The following NRBP1 variants were observed in gnomAD, a reference collection of about 807,000 sequenced individuals.
NRBP1 encodes the protein nuclear receptor binding protein 1, also known as nuclear receptor-binding protein.
Under a neutral mutation model 76.0 loss-of-function variants are expected in NRBP1, and 10 were observed. The observed-to-expected ratio is 0.13, with a 90% confidence interval of 0.08 to 0.22. The LOEUF (loss-of-function observed/expected upper bound fraction) is 0.22. Among genes scored for constraint, NRBP1 ranks in the 10% least tolerant of loss-of-function variants. NRBP1 has a pLI of 1.00. For synonymous variants in NRBP1, 235 were observed against 240.2 expected (o/e 0.98, Z 0.20); for missense variants, 344 against 646.0 (o/e 0.53, Z 5.07).
In NRBP1 at chr2:27,433,791, A is replaced by G; in HGVS notation, c.329A>G (p.Gln110Arg). Residue 110 changes from glutamine (Q) to arginine (R), a missense_variant, in exon 3 of 18, where the codon CAG becomes CGG. By Grantham distance (43) the Gln-to-Arg change is conservative. Transcript: ENST00000379852. Reference sequence around the variant, plus strand: ...TCTGAACGCAAGAACTACAAGCTGCAGGAGGTAGGTGATGCTGAAAAGGTG... The same window carrying G: ...TCTGAACGCAAGAACTACAAGCTGCGGGAGGTAGGTGATGCTGAAAAGGTG... ...QFSERKNYKL[Q>R]EEKVRAVFDN... 6.2e-7 allele frequency: 1 copy of G among 1,614,220 alleles called. No individual in the cohort carries two copies. The highest frequency in any genetic ancestry group is 8.5e-7 in the Non-Finnish European group (1 of 1,180,036).
In NRBP1 at chr2:27,428,677, G is replaced by T; in HGVS notation, c.-75G>T. ...TGTGAGGGAGTCGCTGTGATCCGGG[G>T]CCCCGGAACCCGAGCTGGAGCTGAA... On this transcript the variant is annotated 5_prime_UTR_variant, in exon 1 of 18. Transcript: ENST00000379852. The T allele has an allele frequency of 2.5e-6, 1 of 398,190 alleles. No homozygotes were observed. Among genetic ancestry groups the T allele is most frequent in the Non-Finnish European group, 4.4e-6 (1 of 225,744 alleles). 24.7% of individuals were successfully genotyped at this position (398,190 alleles called of 1,614,324 possible). A position where few individuals can be genotyped will look rare whatever the true frequency, so the allele number is the denominator to read the frequency against.
In NRBP1 at chr2:27,434,781, G is replaced by GT; in HGVS notation, c.566+22dup. The GT allele has an allele frequency of 3.1e-6, 5 of 1,612,522 alleles. No homozygotes were observed. Among genetic ancestry groups the GT allele is most frequent in the Non-Finnish European group, 3.4e-6 (4 of 1,178,618 alleles). On this transcript the variant is annotated intron_variant, in intron 6 of 17. Coordinates refer to ENST00000379852, the MANE Select transcript of NRBP1 (RefSeq NM_013392.4). The stretch of plus-strand genomic sequence containing the variant: ...CCCTAAGGTAAGTAGTACCTGGTTA[G>GT]TTTCTTACCCATATTTCCTGATGTA...
At chr2:27,441,529 T>C in intron 16 of NRBP1, 38 bp from the exon 17 acceptor site, 1 of 1,611,226 alleles carries the variant, frequency 6.2e-7, no homozygotes, top group African/African-American at 1.3e-5. Flanking sequence ...GGTCCCTCAG[T>C]CCCGTACTGT....
rs1558337063 is a variant in NRBP1 at position 27,437,034 on chromosome 2, CT to C, written c.746-12del. ...ATCCTCTGATTAACCAAAGCCTTCT[CT>C]GTTTTCCCTAGAAGTCACTAATGTG... On this transcript the variant is annotated splice_polypyrimidine_tract_variant and intron_variant, in intron 8 of 17. Transcript: ENST00000379852. The C allele has an allele frequency of 1.9e-6, 3 of 1,611,134 alleles. No individual in the cohort carries two copies. The highest frequency in any genetic ancestry group is 2.5e-6 in the Non-Finnish European group (3 of 1,177,796).
At chr2:27,438,203 T>C (rs957652547) in intron 10 of NRBP1, among the ~76,000 whole-genome samples, 5 of 151,298 alleles carry the variant, frequency 3.3e-5, no homozygotes, top group African/African-American at 9.8e-5. Flanking sequence ...GTATGTTAAT[T>C]TGAATGTGTC....
At chr2:27,435,249 G>A in intron 7 of NRBP1, 22 bp downstream of exon 7, 1 of 1,600,982 alleles carries the variant, frequency 6.2e-7, no homozygotes, top group South Asian at 1.1e-5. Context: ...GAGAGGTTCT[G>A]GGCAGGGGAG....
intron 7 of NRBP1, 192 bp from the exon 8 acceptor site, chr2:27,436,561 C>T (rs1399095013): frequency 1.7e-6 from 1 of 584,478 alleles, no homozygotes; most frequent in African/African-American, 1.9e-5. Context: ...AGCAGTAGGC[C>T]TAAGAAAGGG....
Position 27,441,405 on chromosome 2 carries a change from G to T in NRBP1, c.1447+75G>T, listed in dbSNP as rs1288494077. On this transcript the variant is annotated intron_variant, in intron 16 of 17. Coordinates refer to ENST00000379852, the MANE Select transcript of NRBP1 (RefSeq NM_013392.4). ...TTTAGGGACATATTCAGGGGTGGGG[G>T]AGGTGACAAGGCAGTAACACATTGA... The T allele has an allele frequency of 4.8e-6, 7 of 1,473,350 alleles. No individual in the cohort carries two copies. In the East Asian group the frequency reaches 1.6e-4, roughly 33 times the overall value. The allele number at this position is 1,473,350 out of a possible 1,614,324, so 91.3% of individuals were successfully genotyped here.
intron 11 of NRBP1, 97 bp downstream of exon 11, chr2:27,439,995 CTTTTTTTTTTTTTTTTTTTT>C (rs70953859): frequency 0.03 from 13,846 of 456,410 alleles, 472 homozygotes; most frequent in Middle Eastern, 0.038. Context: ...CAAAGGGATT[CTTTTTTTTTTTTTTTTTTTT>C]TTTTTTTTTT....
chr2:27,428,478 G>C (rs893745541), upstream of NRBP1: 10 of 393,630 alleles, frequency 2.5e-5, no homozygotes, highest in Admixed American at 4.4e-5. Flanking sequence ...CGGCCGGACC[G>C]GCGCAAGGGG....
rs890243698 is a variant in NRBP1, at chr2:27,436,469, C to T, written c.662-284C>T. On this transcript the variant is annotated intron_variant, in intron 7 of 17. Transcript: ENST00000379852. ...AATTTTTCCTTAAACTTCATTGCTTCTAGACCAGCCTGAAGCCCCTGTGTA... is the reference window on the plus strand; with the variant it reads ...AATTTTTCCTTAAACTTCATTGCTTTTAGACCAGCCTGAAGCCCCTGTGTA... 10 of 388,270 alleles carry T rather than the reference C, an allele frequency of 2.6e-5. No homozygotes were observed. In the Admixed American group the frequency reaches 4.2e-4, roughly 16 times the overall value. The allele number at this position is 388,270 out of a possible 1,614,324, so 24.1% of individuals were successfully genotyped here.
chr2:27,428,650 G>T lies in NRBP1; in HGVS notation c.-102G>T, dbSNP rs948001284. The T allele has an allele frequency of 3.4e-4, 134 of 398,022 alleles. No homozygotes were observed. The highest frequency in any genetic ancestry group is 6.2e-4 in the Middle Eastern group (1 of 1,608). The allele number at this position is 398,022 out of a possible 1,614,324, so 24.7% of individuals were successfully genotyped here. A position where few individuals can be genotyped will look rare whatever the true frequency, so the allele number is the denominator to read the frequency against. ...CAGTTCGGTTGCGCTGCGGAGCGCA[G>T]CTGTGAGGGAGTCGCTGTGATCCGG... On this transcript the variant is annotated 5_prime_UTR_variant, in exon 1 of 18. Coordinates refer to ENST00000379852, the MANE Select transcript of NRBP1 (RefSeq NM_013392.4).
At chr2:27,441,051 T>C (rs1664526955) in intron 14 of NRBP1, 76 bp from the exon 15 acceptor site, 1 of 1,608,144 alleles carries the variant, frequency 6.2e-7, no homozygotes, top group East Asian at 2.2e-5. Flanking sequence ...AGCCATGCCC[T>C]ATGGGCTCGA....
In NRBP1 at chr2:27,442,005, T is replaced by C; in HGVS notation, c.*193T>C. On this transcript the variant is annotated 3_prime_UTR_variant, in exon 18 of 18. Transcript: ENST00000379852. ...CCCTCTCTTCCTCCCCTCTGCACTT[T>C]GTTTACTTGTTTTGCACAGACGTGG... The C allele has an allele frequency of 1.7e-6, 1 of 573,092 alleles. No individual in the cohort carries two copies. Among genetic ancestry groups the C allele is most frequent in the Non-Finnish European group, 3.1e-6 (1 of 324,432 alleles). The allele number at this position is 573,092 out of a possible 1,614,324, so 35.5% of individuals were successfully genotyped here.
At chr2:27,441,651 C>A (rs775044646) in intron 17 of NRBP1, 29 bp downstream of exon 17, 30 of 1,613,446 alleles carry the variant, frequency 1.9e-5, no homozygotes, top group Non-Finnish European at 2.4e-5. Flanking sequence ...TCTGCCCTGG[C>A]TGCCCCCATG....
rs934655343 is a variant in NRBP1, at chr2:27,435,775, C to T, written c.661+548C>T. The stretch of plus-strand genomic sequence containing the variant: ...AGAGCTCCCTCTGCCCCACTTGGGG[C>T]TCTGTTTGTGCTCCCTCTGCTCCCT... On this transcript the variant is annotated intron_variant, in intron 7 of 17. Coordinates refer to ENST00000379852, the MANE Select transcript of NRBP1 (RefSeq NM_013392.4). 45 of 717,460 alleles carry T rather than the reference C, an allele frequency of 6.3e-5. No homozygotes were observed. In the African/African-American group the frequency reaches 7.0e-4, roughly 11 times the overall value. 44.4% of individuals were successfully genotyped at this position (717,460 alleles called of 1,614,324 possible).
chr2:27,435,514 T>C lies in NRBP1; in HGVS notation c.661+287T>C, dbSNP rs1664269295. On this transcript the variant is annotated intron_variant, in intron 7 of 17. Transcript: ENST00000379852. ...TAGGTTTGAGGTTTGATTTGAGTCCTGGGGCCAGACCCTGCCAGAGGAGGT... is the reference window on the plus strand; with the variant it reads ...TAGGTTTGAGGTTTGATTTGAGTCCCGGGGCCAGACCCTGCCAGAGGAGGT... 9.7e-6 allele frequency: 6 copies of C among 617,772 alleles called. No individual in the cohort carries two copies. In the East Asian group the frequency reaches 1.6e-4, roughly 17 times the overall value. 38.3% of individuals were successfully genotyped at this position (617,772 alleles called of 1,614,324 possible). A position where few individuals can be genotyped will look rare whatever the true frequency, so the allele number is the denominator to read the frequency against.
At chr2:27,429,213 A>T (rs1664006301) in intron 1 of NRBP1, 1 of 152,400 alleles carries the variant, frequency 6.6e-6, no homozygotes, top group Non-Finnish European at 1.5e-5. Flanking sequence ...CCTGGGCCCC[A>T]GCCTGGTTCC....
intron 1 of NRBP1, among the ~76,000 whole-genome samples, chr2:27,430,023 C>T (rs944865338): frequency 3.3e-5 from 5 of 152,170 alleles, no homozygotes; most frequent in Non-Finnish European, 5.9e-5. Context: ...GGAACATGAT[C>T]TCTAACAGAA....
Sources: allele counts gnomAD v4.1 joint callset (sites outside exome capture counted in the v4.1 genomes callset), GRCh38; gene constraint gnomAD v4.1.1; transcripts MANE v1.5; gene names NCBI Gene and HGNC (gene_info 2026-07-23, HGNC 2026-07-21).